The following TANGO6 variants were observed in gnomAD, a reference collection of about 807,000 sequenced individuals.
The protein encoded by TANGO6 is transport and golgi organization 6 homolog.
A neutral mutation model predicts 114.2 loss-of-function variants in TANGO6; 90 were observed. The observed-to-expected ratio is 0.79, with a 90% confidence interval of 0.66 to 0.94. TANGO6 has a LOEUF of 0.94. TANGO6 is among the 40% of genes least tolerant of loss of function. The pLI, the probability that TANGO6 is intolerant of heterozygous loss-of-function variation, is 0.00. For synonymous variants in TANGO6, 477 were observed against 509.8 expected, an observed-to-expected ratio of 0.94 and a Z score of 0.87; for missense variants, 1,274 against 1,315.3, an observed-to-expected ratio of 0.97 and a Z score of 0.49.
rs1032049958 is a variant in TANGO6 at position 68,913,511 on chromosome 16, C to T, written c.1992+4109C>T. Among the ~76,000 whole-genome samples, 5 of 148,280 alleles carry T rather than the reference C, an allele frequency of 3.4e-5. 1 individual carries two copies. Among genetic ancestry groups the T allele is most frequent in the Admixed American group, 2.7e-4 (4 of 14,558 alleles). ...GCAACCTCTGCCTCCCGGGTTGAAG[C>T]GATTCTTGTGCCTCAGCCTCCCGAG... On this transcript the variant is annotated intron_variant, in intron 11 of 17. Transcript: ENST00000261778.
intron 15 of TANGO6, among the ~76,000 whole-genome samples, chr16:68,982,728 T>C (rs1458916586): frequency 6.9e-6 from 1 of 143,948 alleles, no homozygotes; most frequent in African/African-American, 2.5e-5. Context: ...CACCTCGGCC[T>C]CCCAAAGTGT....
At chr16:68,898,287 C>T (rs982909983) in intron 7 of TANGO6, among the ~76,000 whole-genome samples, 4 of 152,126 alleles carry the variant, frequency 2.6e-5, no homozygotes, top group Non-Finnish European at 5.9e-5. Flanking sequence ...CCTTGGCTAA[C>T]AGGCTCCAGA....
intron 17 of TANGO6, among the ~76,000 whole-genome samples, chr16:69,073,444 A>G (rs570167636): frequency 6.6e-6 from 1 of 152,232 alleles, no homozygotes; most frequent in Non-Finnish European, 1.5e-5. Context: ...GCCTCCCCAC[A>G]GGGCTGTAGC....
At chr16:68,996,602 C>T (rs1963991873) in intron 15 of TANGO6, among the ~76,000 whole-genome samples, 1 of 152,116 alleles carries the variant, frequency 6.6e-6, no homozygotes, top group Non-Finnish European at 1.5e-5. Flanking sequence ...ATGTGGCTCT[C>T]CAGGGTGTCA....
At chr16:69,004,891 G>A (rs1318605322) in intron 15 of TANGO6, among the ~76,000 whole-genome samples, 1 of 152,164 alleles carries the variant, frequency 6.6e-6, no homozygotes, top group Non-Finnish European at 1.5e-5. Flanking sequence ...CAAGTGACAA[G>A]ACAAGAAAAT....
intron 4 of TANGO6, 46 bp from the exon 5 acceptor site, chr16:68,875,108 G>C (rs747427537): frequency 6.4e-7 from 1 of 1,559,868 alleles, no homozygotes; most frequent in Non-Finnish European, 8.8e-7. Flanking sequence ...GGGACCTTCT[G>C]TGGGGAATTG....
intron 17 of TANGO6, among the ~76,000 whole-genome samples, chr16:69,069,351 A>G (rs752636770): frequency 2.6e-5 from 4 of 152,200 alleles, no homozygotes; most frequent in Non-Finnish European, 5.9e-5. Context: ...CTGCCCCGTA[A>G]TAGTCTCATC....
chr16:68,895,063 G>C (rs909063485), intron 7 of TANGO6, among the ~76,000 whole-genome samples: 6 of 152,110 alleles, frequency 3.9e-5, no homozygotes, highest in African/African-American at 1.4e-4. Flanking sequence ...TTTAGAATAG[G>C]AACAAAAATG....
intron 17 of TANGO6, among the ~76,000 whole-genome samples, chr16:69,067,639 G>A (rs1278119646): frequency 6.7e-6 from 1 of 150,022 alleles, no homozygotes; most frequent in Non-Finnish European, 1.5e-5. Context: ...GCAACATGGT[G>A]AAACCCTGTC....
At chr16:68,853,493 ATTAG>A (rs1961938191) in intron 1 of TANGO6, among the ~76,000 whole-genome samples, 1 of 152,132 alleles carries the variant, frequency 6.6e-6, no homozygotes, top group South Asian at 2.1e-4. Context: ...TAACCCGTAG[ATTAG>A]TTTTGCCTAT....
chr16:68,921,431 G>A (rs1319159216), intron 12 of TANGO6, among the ~76,000 whole-genome samples: 3 of 151,834 alleles, frequency 2.0e-5, no homozygotes, highest in African/African-American at 7.3e-5. Context: ...TGATTCACCC[G>A]CCTCGGCCTC....
At position 69,024,297 on chromosome 16, in the gene TANGO6, C is replaced by T. The variant is rs527581531; in HGVS notation, c.2994+1318C>T. ...TTTTTTTTTTTTTGAGACAGAGTCTCGCTCTGTAGCCCAGGCTGGAGTGCA... is the reference window on the plus strand; with the variant it reads ...TTTTTTTTTTTTTGAGACAGAGTCTTGCTCTGTAGCCCAGGCTGGAGTGCA... On this transcript the variant is annotated intron_variant, in intron 16 of 17. Coordinates refer to ENST00000261778, the MANE Select transcript of TANGO6 (RefSeq NM_024562.2). Among the ~76,000 whole-genome samples, 652 of 150,254 alleles carry T rather than the reference C, an allele frequency of 4.3e-3. 5 individuals carry two copies. The highest frequency in any genetic ancestry group is 0.015 in the African/African-American group (621 of 40,878).
chr16:68,870,160 C>T (rs541245078), intron 4 of TANGO6, among the ~76,000 whole-genome samples: 3 of 152,112 alleles, frequency 2.0e-5, no homozygotes, highest in East Asian at 3.9e-4. Context: ...ATCACGGAGG[C>T]TTGGATTAAT....
chr16:68,899,703 G>A (rs773010509), intron 7 of TANGO6, among the ~76,000 whole-genome samples: 3 of 151,906 alleles, frequency 2.0e-5, no homozygotes, highest in Non-Finnish European at 1.5e-5. Context: ...GGGCTCAAGC[G>A]ATCCTCCTGC....
At chr16:68,847,845 C>A (rs1425729769) in intron 1 of TANGO6, among the ~76,000 whole-genome samples, 1 of 151,890 alleles carries the variant, frequency 6.6e-6, no homozygotes, top group Non-Finnish European at 1.5e-5. Context: ...ACTAAAAATA[C>A]AAAAATTAGC....
intron 15 of TANGO6, among the ~76,000 whole-genome samples, chr16:68,979,306 T>G (rs1348673490): frequency 1.3e-5 from 2 of 152,114 alleles, no homozygotes; most frequent in African/African-American, 4.8e-5. Context: ...CTTGGCTCAC[T>G]GCAACCTCCA....
rs1960505348 is a variant in TANGO6 at position 69,084,103 on chromosome 16, C to T, written c.*442C>T. 1 of 153,590 alleles carries T rather than the reference C, an allele frequency of 6.5e-6. No homozygotes were observed. Among genetic ancestry groups the T allele is most frequent in the South Asian group, 2.0e-4 (1 of 4,882 alleles). The allele number at this position is 153,590 out of a possible 1,614,324, so 9.5% of individuals were successfully genotyped here. On this transcript the variant is annotated 3_prime_UTR_variant, in exon 18 of 18. Transcript: ENST00000261778. Reference sequence around the variant, plus strand: ...GGAAAATGAGGAGCAGAACTGGCCACCCTTGGCTGCTCAAGAGGCATTTCA... The same window carrying T: ...GGAAAATGAGGAGCAGAACTGGCCATCCTTGGCTGCTCAAGAGGCATTTCA...
At chr16:68,970,354 A>G (rs767215940) in intron 14 of TANGO6, among the ~76,000 whole-genome samples, 3 of 152,138 alleles carry the variant, frequency 2.0e-5, no homozygotes, top group Non-Finnish European at 4.4e-5. Context: ...GCTAAAGACT[A>G]ATGAGAGAAA....
At chr16:69,056,901 C>T (rs1352820598) in intron 17 of TANGO6, among the ~76,000 whole-genome samples, 1 of 151,190 alleles carries the variant, frequency 6.6e-6, no homozygotes, top group Non-Finnish European at 1.5e-5. Flanking sequence ...AGGATGGTCT[C>T]GATCTCCTGA....
Sources: allele counts gnomAD v4.1 joint callset (sites outside exome capture counted in the v4.1 genomes callset), GRCh38; gene constraint gnomAD v4.1.1; transcripts MANE v1.5; gene names NCBI Gene and HGNC (gene_info 2026-07-23, HGNC 2026-07-21).